Variants in SPHKAP observed in about 807,000 individuals in gnomAD.
The protein encoded by SPHKAP is SPHK1 interactor, AKAP domain containing, also known as A-kinase anchor protein SPHKAP.
A neutral mutation model predicts 137.5 loss-of-function variants in SPHKAP; 67 were observed. The observed-to-expected ratio is 0.49, with a 90% CI of 0.40 to 0.60. The LOEUF (loss-of-function observed/expected upper bound fraction) is 0.60. SPHKAP is among the 20% of genes least tolerant of loss of function. The pLI is 0.00. For synonymous variants in SPHKAP, 813 were observed against 785.3 expected (o/e 1.04, Z -0.59); for missense variants, 2,097 against 2,069.3 (o/e 1.01, Z -0.26).
chr2:228,064,694 G>A (rs1696769354), intron 3 of SPHKAP, among the ~76,000 whole-genome samples: 1 of 152,092 alleles, frequency 6.6e-6, no homozygotes, highest in Admixed American at 6.5e-5. Context: ...GAAGAGAGGA[G>A]AGGCTAATGC....
intron 3 of SPHKAP, among the ~76,000 whole-genome samples, chr2:228,096,328 G>A (rs907962495): frequency 6.6e-6 from 1 of 152,076 alleles, no homozygotes. Context: ...TTTTGGTTGA[G>A]TTTTCATGAA....
intron 1 of SPHKAP, among the ~76,000 whole-genome samples, chr2:228,155,425 C>T (rs916624965): frequency 2.0e-5 from 3 of 152,196 alleles, no homozygotes; most frequent in Non-Finnish European, 4.4e-5. Flanking sequence ...AGTTTACTCA[C>T]TATAAAGACC....
chr2:228,006,859 T>C (rs1694160972), intron 7 of SPHKAP, among the ~76,000 whole-genome samples: 1 of 152,228 alleles, frequency 6.6e-6, no homozygotes, highest in African/African-American at 2.4e-5. Flanking sequence ...CAGTGAATAT[T>C]GCTGAACAGC....
chr2:227,986,749 C>T (rs1324595694), intron 11 of SPHKAP, among the ~76,000 whole-genome samples: 1 of 152,104 alleles, frequency 6.6e-6, no homozygotes, highest in African/African-American at 2.4e-5. Flanking sequence ...CTCTGCACTG[C>T]CCCCATAGAA....
intron 2 of SPHKAP, among the ~76,000 whole-genome samples, chr2:228,123,101 C>T (rs1016283579): frequency 6.6e-6 from 1 of 152,202 alleles, no homozygotes; most frequent in African/African-American, 2.4e-5. Flanking sequence ...CTATCCCTAT[C>T]CCCATCCAGT....
chr2:228,036,188 A>T (rs1487433117), intron 3 of SPHKAP, among the ~76,000 whole-genome samples: 2 of 151,158 alleles, frequency 1.3e-5, no homozygotes, highest in Non-Finnish European at 2.9e-5. Flanking sequence ...ATTTACAAGA[A>T]AAAAACAAAC....
At chr2:228,088,866 A>C (rs1697625254) in intron 3 of SPHKAP, among the ~76,000 whole-genome samples, 1 of 152,204 alleles carries the variant, frequency 6.6e-6, no homozygotes, top group Non-Finnish European at 1.5e-5. Context: ...CTTCCTGTAC[A>C]GCCTATAGAA....
rs542972970 is a variant in SPHKAP at position 227,999,953 on chromosome 2, T to C, written c.4449-4259A>G. ...TTTTAGAGACCATCTAGCCTGTAAT[T>C]TCCATTAGGGTTCACTCTTGATGTT... On this transcript the variant is annotated intron_variant, in intron 7 of 11. Coordinates refer to ENST00000392056, the MANE Select transcript of SPHKAP (RefSeq NM_001142644.2). Among the ~76,000 whole-genome samples, 9 of 152,338 alleles carry C rather than the reference T, an allele frequency of 5.9e-5. No individual in the cohort carries two copies. In the South Asian group the frequency reaches 1.0e-3, roughly 18 times the overall value.
At chr2:228,030,479 C>A (rs1695247177) in intron 3 of SPHKAP, among the ~76,000 whole-genome samples, 1 of 128,126 alleles carries the variant, frequency 7.8e-6, no homozygotes, top group Non-Finnish European at 1.6e-5. Flanking sequence ...AACGCCACTG[C>A]ACTCCAGCCT....
chr2:228,033,205 CAA>C (rs1211204364), intron 3 of SPHKAP, among the ~76,000 whole-genome samples: 1 of 151,314 alleles, frequency 6.6e-6, no homozygotes, highest in Admixed American at 6.6e-5. Context: ...AAATGGAAAA[CAA>C]AAAAAGGCAG....
At chr2:228,065,647 C>T (rs528698321) in intron 3 of SPHKAP, among the ~76,000 whole-genome samples, 1 of 152,074 alleles carries the variant, frequency 6.6e-6, no homozygotes, top group Non-Finnish European at 1.5e-5. Flanking sequence ...TTTGTGATTC[C>T]TGATTTAAGG....
intron 11 of SPHKAP, among the ~76,000 whole-genome samples, chr2:227,988,617 A>G (rs1369033950): frequency 2.0e-5 from 3 of 152,202 alleles, no homozygotes; most frequent in African/African-American, 2.4e-5. Context: ...CCATTCAGAT[A>G]CCACCTGAAA....
At chr2:228,172,435 C>T (rs577123648) in intron 1 of SPHKAP, among the ~76,000 whole-genome samples, 1 of 152,282 alleles carries the variant, frequency 6.6e-6, no homozygotes, top group South Asian at 2.1e-4. Context: ...AGACTCATTT[C>T]TCCCTTCTTC....
At chr2:228,057,015 C>T (rs557817105) in intron 3 of SPHKAP, among the ~76,000 whole-genome samples, 5 of 152,258 alleles carry the variant, frequency 3.3e-5, no homozygotes, top group South Asian at 2.1e-4. Context: ...CTTAAGCATG[C>T]GCTCTCAAAT....
intron 3 of SPHKAP, among the ~76,000 whole-genome samples, chr2:228,102,274 G>C (rs542709808): frequency 6.6e-6 from 1 of 151,380 alleles, no homozygotes; most frequent in Non-Finnish European, 1.5e-5. Context: ...TTGTCATTTG[G>C]TTTTTAAATT....
chr2:228,042,186 T>C (rs10196539), intron 3 of SPHKAP, among the ~76,000 whole-genome samples: 57,960 of 151,982 alleles, frequency 0.38, 11,506 homozygotes, highest in South Asian at 0.5. Context: ...TGAAGACCAA[T>C]GGGCTCTGTG....
chr2:228,026,550 A>C (rs1695039632), intron 4 of SPHKAP, among the ~76,000 whole-genome samples: 1 of 152,220 alleles, frequency 6.6e-6, no homozygotes, highest in Non-Finnish European at 1.5e-5. Context: ...CATAGCAGAC[A>C]ATTATTTCAA....
chr2:228,115,473 C>T (rs528744666), intron 2 of SPHKAP, among the ~76,000 whole-genome samples: 1 of 152,228 alleles, frequency 6.6e-6, no homozygotes, highest in South Asian at 2.1e-4. Context: ...TGGAACATCT[C>T]TTTATCTATT....
At chr2:228,035,828 T>C (rs1402048323) in intron 3 of SPHKAP, among the ~76,000 whole-genome samples, 1 of 152,220 alleles carries the variant, frequency 6.6e-6, no homozygotes, top group African/African-American at 2.4e-5. Flanking sequence ...TGGCTGGCCA[T>C]ATGTAGATAG....
Sources: gnomAD v4.1 joint callset for allele counts (sites outside exome capture counted in the v4.1 genomes callset) on GRCh38, gnomAD v4.1.1 for gene constraint, MANE v1.5 for transcripts, NCBI Gene and HGNC (gene_info 2026-07-23, HGNC 2026-07-21) for gene names.